The following CDH9 variants were observed in gnomAD, a reference collection of about 807,000 sequenced individuals.
CDH9 encodes the protein cadherin-9.
A neutral mutation model predicts 70.9 loss-of-function variants in CDH9; 28 were observed. The observed-to-expected ratio is 0.40, with a 90% CI of 0.29 to 0.54. CDH9 has a LOEUF of 0.54. Ranked by LOEUF, CDH9 falls within the 20% of genes least tolerant of loss-of-function variation. The pLI is 0.59. For missense variants in CDH9, 874 were observed against 984.4 expected (o/e 0.89, Z 1.50); for synonymous variants, 409 against 343.1 (o/e 1.19, Z -2.12).
chr5:27,012,152 C>T lies in CDH9; in HGVS notation c.-49-23770G>A, dbSNP rs766858359. ...CATAAAATGGTACATTTTCAGCATA[C>T]AACCTATGCACTTCTCCCACATACT... On this transcript the variant is annotated intron_variant, in intron 1 of 11. Transcript: ENST00000231021. Among the ~76,000 whole-genome samples, 3 of 151,884 alleles carry T rather than the reference C, an allele frequency of 2.0e-5. No homozygotes were observed. In the Admixed American group the frequency reaches 2.0e-4, roughly 10 times the overall value.
At chr5:26,945,695 A>G (rs1234613766) in intron 2 of CDH9, among the ~76,000 whole-genome samples, 2 of 152,190 alleles carry the variant, frequency 1.3e-5, no homozygotes, top group African/African-American at 2.4e-5. Context: ...TGATTATTCT[A>G]ATTTTTTATA....
intron 2 of CDH9, among the ~76,000 whole-genome samples, chr5:26,934,254 C>T (rs1314575604): frequency 6.6e-6 from 1 of 152,036 alleles, no homozygotes; most frequent in East Asian, 1.9e-4. Context: ...TGTCTTGACC[C>T]CATGAGTTTG....
intron 11 of CDH9, 130 bp downstream of exon 11, chr5:26,885,484 A>T (rs536204737): frequency 1.2e-6 from 1 of 823,062 alleles, no homozygotes; most frequent in African/African-American, 1.7e-5. Flanking sequence ...AATTGAAAGA[A>T]GAATTTTAAT....
At chr5:26,984,529 T>C (rs890298018) in intron 2 of CDH9, among the ~76,000 whole-genome samples, 31 of 152,260 alleles carry the variant, frequency 2.0e-4, no homozygotes, top group African/African-American at 7.2e-4. Context: ...TGGGATATAG[T>C]TAATTGATTA....
chr5:26,902,738 A>C lies in CDH9; in HGVS notation c.1000-9T>G. 6.8e-7 allele frequency: 1 copy of C among 1,473,842 alleles called. No individual in the cohort carries two copies. Among genetic ancestry groups the C allele is most frequent in the Non-Finnish European group, 9.4e-7 (1 of 1,058,374 alleles). 91.3% of individuals were successfully genotyped at this position (1,473,842 alleles called of 1,614,324 possible). On this transcript the variant is annotated splice_polypyrimidine_tract_variant and intron_variant, in intron 6 of 11. Coordinates refer to ENST00000231021, the MANE Select transcript of CDH9 (RefSeq NM_016279.4). ...TTTTCAAAATCTAAATTCTGGAGTT[A>C]AATAACATAAAAGAAATTAGCATAA...
intron 1 of CDH9, among the ~76,000 whole-genome samples, chr5:26,994,839 C>T (rs1043387748): frequency 2.0e-5 from 3 of 152,166 alleles, no homozygotes; most frequent in Non-Finnish European, 4.4e-5. Context: ...GCCCAATTCA[C>T]GGACTTCTTG....
chr5:26,920,477 T>C (rs1170306784), intron 2 of CDH9, among the ~76,000 whole-genome samples: 5 of 151,968 alleles, frequency 3.3e-5, no homozygotes. Flanking sequence ...CCTGGCTAGA[T>C]TCACTGTGTG....
chr5:26,915,582 G>T (rs1456030153), intron 3 of CDH9, 48 bp downstream of exon 3: 5 of 1,080,502 alleles, frequency 4.6e-6, no homozygotes, highest in Non-Finnish European at 7.0e-6. Context: ...AATTACCTGA[G>T]CAAACAAACA....
chr5:26,972,616 C>T (rs549192111), intron 2 of CDH9, among the ~76,000 whole-genome samples: 4 of 152,086 alleles, frequency 2.6e-5, no homozygotes, highest in Non-Finnish European at 4.4e-5. Flanking sequence ...AGTGGACATA[C>T]GCAGTTAAAT....
intron 1 of CDH9, among the ~76,000 whole-genome samples, chr5:27,014,327 T>C (rs1382519996): frequency 6.6e-6 from 1 of 151,926 alleles, no homozygotes; most frequent in Non-Finnish European, 1.5e-5. Context: ...CGACCAAGTA[T>C]CTGAAGAGTT....
intron 1 of CDH9, among the ~76,000 whole-genome samples, chr5:26,992,783 T>C (rs1439196342): frequency 1.3e-5 from 2 of 151,964 alleles, no homozygotes; most frequent in African/African-American, 2.4e-5. Flanking sequence ...AATAGAGAAA[T>C]GCTTAATCTT....
At chr5:27,019,736 CAAAT>C (rs1004774135) in intron 1 of CDH9, among the ~76,000 whole-genome samples, 2 of 151,756 alleles carry the variant, frequency 1.3e-5, no homozygotes, top group African/African-American at 4.8e-5. Flanking sequence ...TAAATCAACA[CAAAT>C]GAAAGAGAGT....
chr5:26,960,166 G>A (rs1043999129), intron 2 of CDH9, among the ~76,000 whole-genome samples: 2 of 151,932 alleles, frequency 1.3e-5, no homozygotes, highest in Non-Finnish European at 2.9e-5. Flanking sequence ...AAAATCACCT[G>A]TCCAGGAATG....
intron 1 of CDH9, among the ~76,000 whole-genome samples, chr5:27,016,799 G>T (rs1200253815): frequency 6.6e-6 from 1 of 151,760 alleles, no homozygotes; most frequent in Non-Finnish European, 1.5e-5. Context: ...GAAGCACAGA[G>T]AAAGTTTAAA....
At chr5:26,967,034 G>A (rs1207468799) in intron 2 of CDH9, among the ~76,000 whole-genome samples, 2 of 152,106 alleles carry the variant, frequency 1.3e-5, no homozygotes, top group Non-Finnish European at 2.9e-5. Flanking sequence ...CCAAGCTTAA[G>A]CGATCCTCTC....
At chr5:26,951,035 T>C (rs1318939105) in intron 2 of CDH9, among the ~76,000 whole-genome samples, 2 of 152,098 alleles carry the variant, frequency 1.3e-5, no homozygotes, top group African/African-American at 2.4e-5. Context: ...GGCTCGCGCC[T>C]GTAATCCCAG....
At chr5:27,002,644 A>G (rs542899914) in intron 1 of CDH9, among the ~76,000 whole-genome samples, 1 of 152,292 alleles carries the variant, frequency 6.6e-6, no homozygotes, top group South Asian at 2.1e-4. Flanking sequence ...GCTGGAAACC[A>G]TCATTCTCAG....
In CDH9 at chr5:27,018,596, A is replaced by G. The variant is rs563914742; in HGVS notation, c.-50+19867T>C. Among the ~76,000 whole-genome samples the G allele has an allele frequency of 1.1e-4, 16 of 152,084 alleles. No homozygotes were observed. In the South Asian group the frequency reaches 2.5e-3, roughly 24 times the overall value. On this transcript the variant is annotated intron_variant, in intron 1 of 11. Coordinates refer to ENST00000231021, the MANE Select transcript of CDH9 (RefSeq NM_016279.4). ...TTTTAATGGAGACATCCAAATGCTC[A>G]TGTGTCATACTGAGATATTAAGCAT...
chr5:26,915,614 A>C lies in CDH9; in HGVS notation c.523+16T>G, dbSNP rs1337690189. 2 of 1,468,290 alleles carry C rather than the reference A, an allele frequency of 1.4e-6. No individual in the cohort carries two copies. Among genetic ancestry groups the C allele is most frequent in the African/African-American group, 2.8e-5 (2 of 71,654 alleles). 91.0% of individuals were successfully genotyped at this position (1,468,290 alleles called of 1,614,324 possible). A position where few individuals can be genotyped will look rare whatever the true frequency, so the allele number is the denominator to read the frequency against. The stretch of plus-strand genomic sequence containing the variant: ...AACAAATAAAAAGTAGTTTACATGG[A>C]TTAGAATATACCTACCGACTCCAGA... On this transcript the variant is annotated intron_variant, in intron 3 of 11. Coordinates refer to ENST00000231021, the MANE Select transcript of CDH9 (RefSeq NM_016279.4).
Sources: gnomAD v4.1 joint callset for allele counts (sites outside exome capture counted in the v4.1 genomes callset) on GRCh38, gnomAD v4.1.1 for gene constraint, MANE v1.5 for transcripts, NCBI Gene and HGNC (gene_info 2026-07-23, HGNC 2026-07-21) for gene names.